The following CACHD1 variants were observed in gnomAD, a reference collection of about 807,000 sequenced individuals.
The protein encoded by CACHD1 is VWFA and cache domain-containing protein 1.
A neutral mutation model predicts 138.7 loss-of-function variants in CACHD1; 71 were observed. That is an observed-to-expected ratio of 0.51 (90% CI 0.42 to 0.62). The LOEUF (loss-of-function observed/expected upper bound fraction) is 0.62, where lower values mean the gene tolerates loss of function less well. CACHD1 is among the 20% of genes least tolerant of loss of function. The probability of loss-of-function intolerance (pLI) is 0.00; values close to 1 mark genes in which losing one functional copy is unlikely to be tolerated. For synonymous variants in CACHD1, 578 were observed against 591.5 expected (o/e 0.98, Z 0.33); for missense variants, 1,389 against 1,625.3 (o/e 0.85, Z 2.50).
chr1:64,479,301 T>A (rs929460277), intron 1 of CACHD1, among the ~76,000 whole-genome samples: 4 of 152,158 alleles, frequency 2.6e-5, no homozygotes, highest in Non-Finnish European at 5.9e-5. Context: ...ATTTCTGATG[T>A]AATGAATGTT....
At chr1:64,577,745 T>C (rs538943261) in intron 2 of CACHD1, among the ~76,000 whole-genome samples, 1 of 152,212 alleles carries the variant, frequency 6.6e-6, no homozygotes, top group Non-Finnish European at 1.5e-5. Flanking sequence ...AGATAGAATG[T>C]TGCTACATGA....
intron 4 of CACHD1, among the ~76,000 whole-genome samples, chr1:64,623,078 T>C (rs918749438): frequency 1.3e-5 from 2 of 152,192 alleles, no homozygotes; most frequent in African/African-American, 4.8e-5. Flanking sequence ...GCTTCTATAT[T>C]GATGTCACAA....
chr1:64,655,972 A>T (rs1649249074), intron 12 of CACHD1, among the ~76,000 whole-genome samples: 1 of 152,204 alleles, frequency 6.6e-6, no homozygotes, highest in Non-Finnish European at 1.5e-5. Flanking sequence ...AGGATAAAGA[A>T]GATTGACACT....
Position 64,597,524 on chromosome 1 carries a change from G to GTTTT in CACHD1, c.411-5259_411-5256dup, listed in dbSNP as rs34162933. ...TCCAGAAGGAAGTTTTTTTTTTGTT[G>GTTTT]TTTTTTTTTTTTTTTTTTTTTTTTT... On this transcript the variant is annotated intron_variant, in intron 3 of 26. Transcript: ENST00000651257. Among the ~76,000 whole-genome samples the GTTTT allele has an allele frequency of 5.1e-4, 41 of 80,392 alleles. 1 individual carries two copies. The highest frequency in any genetic ancestry group is 1.8e-3 in the African/African-American group (38 of 21,148). The allele number at this position is 80,392 out of a possible 152,430, so 52.7% of individuals were successfully genotyped here. A position where few individuals can be genotyped will look rare whatever the true frequency, so the allele number is the denominator to read the frequency against.
intron 2 of CACHD1, among the ~76,000 whole-genome samples, chr1:64,569,567 C>T (rs1561170): frequency 2.0e-5 from 3 of 149,656 alleles, no homozygotes; most frequent in Non-Finnish European, 4.5e-5. Flanking sequence ...AGAGGAGCAG[C>T]GGGGGCCTTG....
chr1:64,496,384 G>A (rs1646306518), intron 1 of CACHD1, among the ~76,000 whole-genome samples: 1 of 152,124 alleles, frequency 6.6e-6, no homozygotes, highest in African/African-American at 2.4e-5. Flanking sequence ...CATCTTTGAG[G>A]TAGGAAAAAT....
chr1:64,496,891 A>G (rs1039867684), intron 1 of CACHD1, among the ~76,000 whole-genome samples: 2 of 151,888 alleles, frequency 1.3e-5, no homozygotes, highest in East Asian at 1.9e-4. Context: ...AAAGAAAAAG[A>G]AAAAAGAAAG....
rs1199452585 is a variant in CACHD1, at chr1:64,549,962, A to G, written c.199-632A>G. Among the ~76,000 whole-genome samples the G allele has an allele frequency of 2.0e-5, 3 of 152,206 alleles. No individual in the cohort carries two copies. The South Asian group carries it at 6.2e-4, about 32-fold the overall frequency. ...GGCAATGTATGGAGGAGTAGGTACC[A>G]TCTAGGCAGGGACCAGTGGAAGAAT... On this transcript the variant is annotated intron_variant, in intron 1 of 26. Transcript: ENST00000651257.
intron 2 of CACHD1, among the ~76,000 whole-genome samples, chr1:64,578,133 C>T (rs1428046448): frequency 1.3e-5 from 2 of 152,190 alleles, no homozygotes; most frequent in South Asian, 2.1e-4. Context: ...TTCAAGCCAC[C>T]ATTGCAGCTT....
chr1:64,581,865 C>T (rs957363444), intron 2 of CACHD1, among the ~76,000 whole-genome samples: 1 of 152,206 alleles, frequency 6.6e-6, no homozygotes, highest in Admixed American at 6.5e-5. Context: ...TCTTTGTTTT[C>T]CTTTTTCCAG....
chr1:64,590,932 A>G (rs1427566365), intron 3 of CACHD1, among the ~76,000 whole-genome samples: 6 of 152,188 alleles, frequency 3.9e-5, no homozygotes, highest in South Asian at 2.1e-4. Flanking sequence ...AGTTTCCTCA[A>G]CTGTAAAATG....
chr1:64,537,894 C>T (rs1188811054), intron 1 of CACHD1, among the ~76,000 whole-genome samples: 1 of 152,016 alleles, frequency 6.6e-6, no homozygotes. Context: ...TGGTAAGTGG[C>T]AAAGATTTTT....
intron 1 of CACHD1, among the ~76,000 whole-genome samples, chr1:64,519,702 T>G (rs1024170425): frequency 6.6e-6 from 1 of 152,266 alleles, no homozygotes; most frequent in African/African-American, 2.4e-5. Context: ...ACTTGATGTT[T>G]TAGTTAGTCT....
At chr1:64,538,759 C>G (rs74080410) in intron 1 of CACHD1, among the ~76,000 whole-genome samples, 1,530 of 152,298 alleles carry the variant, frequency 0.01, 30 homozygotes, top group African/African-American at 0.035. Flanking sequence ...AAAATTCTCT[C>G]TTTGGACGTG....
intron 2 of CACHD1, among the ~76,000 whole-genome samples, chr1:64,569,582 A>T (rs936859681): frequency 6.6e-6 from 1 of 152,194 alleles, no homozygotes; most frequent in South Asian, 2.1e-4. Context: ...GCCTTGCGGC[A>T]GGGCAGGAAG....
intron 4 of CACHD1, among the ~76,000 whole-genome samples, chr1:64,609,108 G>A (rs1008176508): frequency 3.3e-5 from 5 of 152,174 alleles, no homozygotes; most frequent in Non-Finnish European, 7.4e-5. Flanking sequence ...CTTAGAGGCT[G>A]TCGATTGTTG....
rs1182043958 is a variant in CACHD1 at position 64,681,276 on chromosome 1, C to T, written c.3425C>T (p.Ser1142Phe). 6.2e-7 allele frequency: 1 copy of T among 1,613,708 alleles called. No homozygotes were observed. Among genetic ancestry groups the T allele is most frequent in the Non-Finnish European group, 8.5e-7 (1 of 1,179,680 alleles). ...LAAQEMSVRMSNLENDRDERD... is the reference protein window; with the variant it reads ...LAAQEMSVRMFNLENDRDERD... ...TGGGTAGAAATGTCAGTGCGTATGT[C>T]CAACCTGGAGAATGACAGAGATGAA... Residue 1142 changes from serine (S) to phenylalanine (F), a missense_variant, in exon 25 of 27, where the codon TCC (serine) becomes TTC (phenylalanine). By Grantham distance (155) the Ser-to-Phe change is radical. Coordinates refer to ENST00000651257, the MANE Select transcript of CACHD1 (RefSeq NM_020925.4).
intron 1 of CACHD1, among the ~76,000 whole-genome samples, chr1:64,477,584 G>A: frequency 7.3e-6 from 1 of 136,158 alleles, no homozygotes; most frequent in South Asian, 2.3e-4. Context: ...CTTCCCCCCA[G>A]ATTATTATTA....
intron 3 of CACHD1, among the ~76,000 whole-genome samples, chr1:64,599,272 ATATC>A (rs1174409229): frequency 2.6e-4 from 39 of 152,328 alleles, no homozygotes; most frequent in African/African-American, 9.1e-4. Flanking sequence ...AAAAAAATCT[ATATC>A]TAATAGATAG....
Sources: gnomAD v4.1 joint callset for allele counts (sites outside exome capture counted in the v4.1 genomes callset) on GRCh38, gnomAD v4.1.1 for gene constraint, MANE v1.5 for transcripts, NCBI Gene and HGNC (gene_info 2026-07-23, HGNC 2026-07-21) for gene names.